BCAS1: variants seen among roughly 807,000 people sequenced by gnomAD.
BCAS1 encodes brain enriched myelin associated protein 1.
In BCAS1, 46 loss-of-function variants were observed where a neutral mutation model predicts 65.4. The ratio of observed to expected loss-of-function variants is 0.70; its 90% CI spans 0.55 to 0.90. The LOEUF is 0.90. Ranked by LOEUF, BCAS1 falls within the 40% of genes least tolerant of loss-of-function variation. The pLI, the probability that BCAS1 is intolerant of heterozygous loss-of-function variation, is 0.00. For synonymous variants in BCAS1, 298 were observed against 293.5 expected (o/e 1.02, Z -0.16); for missense variants, 793 against 771.2 (o/e 1.03, Z -0.33).
intron 12 of BCAS1, among the ~76,000 whole-genome samples, chr20:53,948,618 G>C (rs1399371329): frequency 6.6e-6 from 1 of 152,200 alleles, no homozygotes; most frequent in East Asian, 1.9e-4. Flanking sequence ...CCACCTTGGA[G>C]GCCAGAGACA....
chr20:54,037,660 T>C (rs2146179581), intron 3 of BCAS1, among the ~76,000 whole-genome samples: 1 of 151,620 alleles, frequency 6.6e-6, no homozygotes, highest in East Asian at 1.9e-4. Flanking sequence ...GGTACTATCA[T>C]CACTCCCATT....
At chr20:54,005,355 G>A (rs1164708446) in intron 4 of BCAS1, among the ~76,000 whole-genome samples, 2 of 73,228 alleles carry the variant, frequency 2.7e-5, no homozygotes, top group Admixed American at 1.2e-4. Context: ...AGGCATGGTG[G>A]CATGCACCTG....
In BCAS1 at chr20:53,953,598, G is replaced by A. The variant is rs1479886240; in HGVS notation, c.1649C>T (p.Ser550Leu). ...GKEGSSKDKKSAAEMNKQKSN... is the reference protein window; with the variant it reads ...GKEGSSKDKKLAAEMNKQKSN... ...CTTCTGCTTGTTCATCTCGGCTGCT[G>A]ACTTCTTGTCCTTCGAGGAGCCCTC... The change falls in exon 12 of 13, where the codon TCA becomes TTA. Residue 550 changes from serine to leucine, a missense_variant. Ser to Leu is a moderately radical substitution (Grantham distance 145, BLOSUM62 -2). Transcript: ENST00000688948. The A allele has an allele frequency of 7.4e-6, 12 of 1,613,740 alleles. No homozygotes were observed. The highest frequency in any genetic ancestry group is 1.0e-5 in the Non-Finnish European group (12 of 1,179,994).
At position 53,975,373 on chromosome 20, in the gene BCAS1, G is replaced by A; in HGVS notation, c.1317+16C>T. 1 of 1,607,644 alleles carries A rather than the reference G, an allele frequency of 6.2e-7. No individual in the cohort carries two copies. Among genetic ancestry groups the A allele is most frequent in the Non-Finnish European group, 8.5e-7 (1 of 1,174,764 alleles). ...GATGAGAATGGAATGATTCTGCCGT[G>A]GTGTGTGTAACTTACATTCTCCTCC... On this transcript the variant is annotated intron_variant, in intron 9 of 12. Coordinates refer to ENST00000688948, the MANE Select transcript of BCAS1 (RefSeq NM_001366298.2).
chr20:54,060,347 C>T (rs1209070647), intron 1 of BCAS1, among the ~76,000 whole-genome samples: 2 of 152,334 alleles, frequency 1.3e-5, no homozygotes, highest in Middle Eastern at 3.4e-3. Context: ...GAGTCTCTCT[C>T]TGTTGCCCAG....
chr20:53,975,338 C>T, intron 9 of BCAS1, 51 bp downstream of exon 9: 1 of 1,558,766 alleles, frequency 6.4e-7, no homozygotes, highest in Non-Finnish European at 8.8e-7. Context: ...AATTGTACAA[C>T]ATGGCGGAAG....
At chr20:54,039,014 ATATCAAAAGAT>A (rs2091945660) in intron 3 of BCAS1, among the ~76,000 whole-genome samples, 1 of 151,416 alleles carries the variant, frequency 6.6e-6, no homozygotes, top group South Asian at 2.1e-4. Flanking sequence ...TTATATTAGA[ATATCAAAAGAT>A]TATGTTAGGC....
At chr20:54,018,019 G>A (rs1319469780) in intron 4 of BCAS1, among the ~76,000 whole-genome samples, 1 of 152,162 alleles carries the variant, frequency 6.6e-6, no homozygotes, top group East Asian at 1.9e-4. Flanking sequence ...TCCCCAAAGC[G>A]AGAAAACAGT....
rs2020975 is a variant in BCAS1 at position 54,058,720 on chromosome 20, G to T, written c.-2C>A. On this transcript the variant is annotated 5_prime_UTR_variant, in exon 2 of 13. Coordinates refer to ENST00000688948, the MANE Select transcript of BCAS1 (RefSeq NM_001366298.2). ...GGGAACACTCATTTGGTTACCCATTGCTCCTATAATGGAGAGAAAGAGAGG... is the reference window on the plus strand; with the variant it reads ...GGGAACACTCATTTGGTTACCCATTTCTCCTATAATGGAGAGAAAGAGAGG... The T allele has an allele frequency of 0.16, 251,661 of 1,598,988 alleles. 21,405 individuals carry two copies. Among genetic ancestry groups the T allele is most frequent in the East Asian group, 0.27 (12,045 of 44,262 alleles).
intron 3 of BCAS1, among the ~76,000 whole-genome samples, chr20:54,037,289 C>T (rs886583240): frequency 6.6e-6 from 1 of 151,284 alleles, no homozygotes; most frequent in Non-Finnish European, 1.5e-5. Flanking sequence ...GCCAAATGAA[C>T]AGGGAAGAGC....
At chr20:53,972,058 A>G (rs2090193385) in intron 9 of BCAS1, among the ~76,000 whole-genome samples, 1 of 152,142 alleles carries the variant, frequency 6.6e-6, no homozygotes, top group Non-Finnish European at 1.5e-5. Context: ...TCTGTTTTTT[A>G]GTTTTTTTTA....
chr20:54,044,557 G>A (rs758288274), intron 3 of BCAS1, among the ~76,000 whole-genome samples: 8 of 152,170 alleles, frequency 5.3e-5, no homozygotes, highest in Admixed American at 1.3e-4. Flanking sequence ...AAATTTTCCG[G>A]CCGGGCGCGG....
chr20:54,066,318 C>T (rs542798680), intron 1 of BCAS1, among the ~76,000 whole-genome samples: 5 of 151,848 alleles, frequency 3.3e-5, no homozygotes, highest in East Asian at 3.9e-4. Flanking sequence ...GTGATCCGCC[C>T]GCCTTGGCCT....
At chr20:54,002,957 TGTG>T (rs1357695590) in intron 4 of BCAS1, among the ~76,000 whole-genome samples, 1 of 152,176 alleles carries the variant, frequency 6.6e-6, no homozygotes, top group Non-Finnish European at 1.5e-5. Context: ...AGGCACTGCG[TGTG>T]TCTCATTCAC....
At position 54,053,540 on chromosome 20, in the gene BCAS1, T is replaced by C. The variant is rs1370226918; in HGVS notation, c.142+4545A>G. On this transcript the variant is annotated intron_variant, in intron 3 of 12. Coordinates refer to ENST00000688948, the MANE Select transcript of BCAS1 (RefSeq NM_001366298.2). ...TTTGATCTTAAAGTTCCAAAAGATATGTTAGGCAGAAATAATACAGTTAAC... is the reference window on the plus strand; with the variant it reads ...TTTGATCTTAAAGTTCCAAAAGATACGTTAGGCAGAAATAATACAGTTAAC... Among the ~76,000 whole-genome samples, 3 of 152,266 alleles carry C rather than the reference T, an allele frequency of 2.0e-5. No homozygotes were observed. The East Asian group carries it at 5.8e-4, about 29-fold the overall frequency.
intron 6 of BCAS1, among the ~76,000 whole-genome samples, chr20:53,992,900 A>G (rs2090800411): frequency 6.6e-6 from 1 of 152,190 alleles, no homozygotes; most frequent in Non-Finnish European, 1.5e-5. Flanking sequence ...GCAAGACAGA[A>G]CAAAACAAAA....
chr20:53,960,819 TA>T (rs1209903079), intron 10 of BCAS1, among the ~76,000 whole-genome samples: 1 of 152,212 alleles, frequency 6.6e-6, no homozygotes, highest in Non-Finnish European at 1.5e-5. Context: ...AAAGGAACCA[TA>T]AACATAGAAA....
chr20:53,973,688 T>C (rs208390), intron 9 of BCAS1, among the ~76,000 whole-genome samples: 42,985 of 152,110 alleles, frequency 0.28, 7,037 homozygotes, highest in South Asian at 0.42. Context: ...GTCCTCCTTG[T>C]AGGTTGCGGG....
chr20:54,014,200 G>A (rs747675951), intron 4 of BCAS1, among the ~76,000 whole-genome samples: 69 of 152,250 alleles, frequency 4.5e-4, no homozygotes, highest in Admixed American at 2.4e-3. Flanking sequence ...AACATTATAC[G>A]GAAACAGAAA....
Sources: allele counts gnomAD v4.1 joint callset (sites outside exome capture counted in the v4.1 genomes callset), GRCh38; gene constraint gnomAD v4.1.1; transcripts MANE v1.5; gene names NCBI Gene and HGNC (gene_info 2026-07-23, HGNC 2026-07-21).